RTN4: variants seen among roughly 807,000 people sequenced by gnomAD.
The protein encoded by RTN4 is reticulon-4.
Under a neutral mutation model 90.4 loss-of-function variants are expected in RTN4, and 32 were observed. That is an observed-to-expected ratio of 0.35 (90% CI 0.27 to 0.48). The LOEUF is 0.48. Ranked by LOEUF, RTN4 falls within the 20% of genes least tolerant of loss-of-function variation. The pLI, the probability that RTN4 is intolerant of heterozygous loss-of-function variation, is 0.99. For missense variants in RTN4, 1,706 were observed against 1,430.2 expected (o/e 1.19, Z -3.11); for synonymous variants, 629 against 552.5 (o/e 1.14, Z -1.94).
At chr2:55,058,876 T>TA (rs369090803) in intron 2 of RTN4, among the ~76,000 whole-genome samples, 22 of 151,692 alleles carry the variant, frequency 1.5e-4, no homozygotes, top group Admixed American at 2.0e-4. Flanking sequence ...ATTTTTTTTT[T>TA]AAATTATAAT....
intron 3 of RTN4, among the ~76,000 whole-genome samples, chr2:55,019,558 T>C (rs1448132019): frequency 2.6e-5 from 4 of 152,116 alleles, no homozygotes; most frequent in African/African-American, 9.7e-5. Flanking sequence ...ATCTATACAG[T>C]ATCATAAATG....
chr2:55,077,377 C>A (rs1668622574), intron 2 of RTN4, among the ~76,000 whole-genome samples: 1 of 152,072 alleles, frequency 6.6e-6, no homozygotes. Context: ...AAATGCAAAT[C>A]AAAACCATCA....
intron 1 of RTN4, among the ~76,000 whole-genome samples, chr2:55,043,226 C>A (rs1473975696): frequency 6.6e-6 from 1 of 152,190 alleles, no homozygotes; most frequent in Non-Finnish European, 1.5e-5. Context: ...GTGCTGTCAT[C>A]CTCAGAAGAA....
At chr2:55,113,912 A>G (rs964065908), upstream of RTN4, among the ~76,000 whole-genome samples, 3 of 152,172 alleles carry the variant, frequency 2.0e-5, no homozygotes, top group Admixed American at 2.0e-4. Context: ...CAGAATATCA[A>G]CTGCTTCTGA....
intron 3 of RTN4, among the ~76,000 whole-genome samples, chr2:55,013,593 TGGTGGG>T: frequency 9.2e-6 from 1 of 109,232 alleles, no homozygotes; most frequent in African/African-American, 3.8e-5. Flanking sequence ...GTATGTTTTT[TGGTGGG>T]TTTTTTTTTG....
At chr2:55,129,796 C>T in the RTN4 span, among the ~76,000 whole-genome samples, 1 of 152,212 alleles carries the variant, frequency 6.6e-6, no homozygotes, top group African/African-American at 2.4e-5. Flanking sequence ...CTCCTGACCT[C>T]GTGATCCACC....
the RTN4 span, among the ~76,000 whole-genome samples, chr2:55,128,521 C>T: frequency 1.3e-5 from 2 of 151,990 alleles, no homozygotes; most frequent in Non-Finnish European, 2.9e-5. Flanking sequence ...CAGATTCTGT[C>T]CCCTGGGGAC....
chr2:55,057,001 A>G (rs1230349714), intron 2 of RTN4, among the ~76,000 whole-genome samples: 5 of 152,100 alleles, frequency 3.3e-5, no homozygotes, highest in African/African-American at 7.2e-5. Flanking sequence ...CCCTTCATAG[A>G]CCTCTTTGGG....
At chr2:55,024,166 C>G (rs1383788817) in intron 3 of RTN4, among the ~76,000 whole-genome samples, 2 of 152,166 alleles carry the variant, frequency 1.3e-5, no homozygotes, top group Admixed American at 1.3e-4. Flanking sequence ...TACAAGTGCA[C>G]ATGCCAGAAA....
At chr2:55,102,655 G>A (rs1261589798) in intron 1 of RTN4, among the ~76,000 whole-genome samples, 4 of 152,062 alleles carry the variant, frequency 2.6e-5, no homozygotes, top group Admixed American at 6.5e-5. Flanking sequence ...AGTGCATGGT[G>A]CTTGGGATCT....
chr2:55,045,279 T>C (rs1683346009), intron 1 of RTN4, among the ~76,000 whole-genome samples: 1 of 152,218 alleles, frequency 6.6e-6, no homozygotes, highest in African/African-American at 2.4e-5. Flanking sequence ...TGTCTTTACA[T>C]TCATGGTTTC....
chr2:55,103,061 T>C (rs1364548217), intron 1 of RTN4, among the ~76,000 whole-genome samples: 2 of 141,568 alleles, frequency 1.4e-5, no homozygotes, highest in African/African-American at 2.7e-5. Context: ...GAGGTTGCAG[T>C]GAGCTGAGAT....
At position 55,027,490 on chromosome 2, in the gene RTN4, G is replaced by T; in HGVS notation, c.614-5C>A. 1.3e-6 allele frequency: 2 copies of T among 1,585,470 alleles called. No homozygotes were observed. Among genetic ancestry groups the T allele is most frequent in the South Asian group, 2.3e-5 (2 of 86,700 alleles). On this transcript the variant is annotated splice_polypyrimidine_tract_variant and splice_region_variant and intron_variant, in intron 2 of 8. Transcript: ENST00000337526. The stretch of plus-strand genomic sequence containing the variant: ...GCTCCTTCAAGTCCATATTTTCTGT[G>T]ACCATGGACAGAAAGGAAAGTTAGA...
chr2:55,028,734 C>T (rs7597198), intron 1 of RTN4, among the ~76,000 whole-genome samples: 124,033 of 152,112 alleles, frequency 0.82, 51,157 homozygotes, highest in African/African-American at 0.95. Flanking sequence ...TTGTACATTG[C>T]TCTTTGAAGA....
the RTN4 span, among the ~76,000 whole-genome samples, chr2:55,128,427 C>A: frequency 6.6e-6 from 1 of 152,150 alleles, no homozygotes; most frequent in Non-Finnish European, 1.5e-5. Context: ...GCATTGCTCT[C>A]TCCGATGAGG....
intron 1 of RTN4, among the ~76,000 whole-genome samples, chr2:55,106,991 C>T (rs183130284): frequency 6.6e-5 from 10 of 152,094 alleles, no homozygotes; most frequent in African/African-American, 2.4e-4. Context: ...AATGTTAAGT[C>T]ATATTAAACT....
intron 1 of RTN4, among the ~76,000 whole-genome samples, chr2:55,028,528 T>C (rs911976870): frequency 1.3e-5 from 2 of 152,202 alleles, no homozygotes; most frequent in African/African-American, 4.8e-5. Context: ...ACTTAACATA[T>C]CACATCCCAA....
chr2:54,973,091 TC>T lies in RTN4; in HGVS notation c.*64del, dbSNP rs1677241968. On this transcript the variant is annotated 3_prime_UTR_variant, in exon 9 of 9. Coordinates refer to ENST00000337526, the MANE Select transcript of RTN4 (RefSeq NM_020532.5). ...GTCAAGGTTCGTTCTTCCCTGACCCTCCCCCGTATAATCAAATGAATATCCC... is the reference window on the plus strand; with the variant it reads ...GTCAAGGTTCGTTCTTCCCTGACCCTCCCCGTATAATCAAATGAATATCCC... 2.2e-6 allele frequency: 3 copies of T among 1,361,462 alleles called. No homozygotes were observed. The highest frequency in any genetic ancestry group is 1.2e-5 in the South Asian group (1 of 80,818). The allele number at this position is 1,361,462 out of a possible 1,614,324, so 84.3% of individuals were successfully genotyped here. A position where few individuals can be genotyped will look rare whatever the true frequency, so the allele number is the denominator to read the frequency against.
chr2:55,029,265 T>C (rs917173963), intron 1 of RTN4, among the ~76,000 whole-genome samples: 1 of 152,114 alleles, frequency 6.6e-6, no homozygotes, highest in African/African-American at 2.4e-5. Context: ...GCCTCCAGAA[T>C]TGTGAGAAGT....
Sources: allele counts gnomAD v4.1 joint callset (sites outside exome capture counted in the v4.1 genomes callset), GRCh38; gene constraint gnomAD v4.1.1; transcripts MANE v1.5; gene names NCBI Gene and HGNC (gene_info 2026-07-23, HGNC 2026-07-21).